The following STK32C variants were observed in gnomAD, a reference collection of about 807,000 sequenced individuals.
STK32C encodes the protein serine/threonine kinase 32C.
A neutral mutation model predicts 56.5 loss-of-function variants in STK32C; 31 were observed. The ratio of observed to expected loss-of-function variants is 0.55; its 90% CI spans 0.41 to 0.74. The LOEUF is 0.74. Among genes scored for constraint, STK32C ranks in the 30% least tolerant of loss-of-function variants. The probability of loss-of-function intolerance (pLI) is 0.00; values close to 1 mark genes in which losing one functional copy is unlikely to be tolerated. For synonymous variants in STK32C, 309 were observed against 289.4 expected, an observed-to-expected ratio of 1.07 and a Z score of -0.69; for missense variants, 544 against 676.9, an observed-to-expected ratio of 0.80 and a Z score of 2.18.
chr10:132,235,144 G>A (rs2063233151), intron 2 of STK32C, among the ~76,000 whole-genome samples: 1 of 152,190 alleles, frequency 6.6e-6, no homozygotes, highest in East Asian at 1.9e-4. Context: ...GGTGTGAGTG[G>A]TGTGAGCTGT....
intron 10 of STK32C, among the ~76,000 whole-genome samples, chr10:132,219,530 G>A (rs140901215): frequency 6.2e-4 from 95 of 152,254 alleles, no homozygotes; most frequent in African/African-American, 2.2e-3. Context: ...CTCTGGACAT[G>A]CTCTGGTAGG....
At chr10:132,209,358 G>C (rs374608735) in intron 10 of STK32C, 37 of 698,842 alleles carry the variant, frequency 5.3e-5, no homozygotes, top group East Asian at 2.4e-4. Flanking sequence ...GACTTGCTCC[G>C]TGGGGCCTGC....
At chr10:132,308,010 C>G, upstream of STK32C, 3 of 200,868 alleles carry the variant, frequency 1.5e-5, no homozygotes, top group Non-Finnish European at 2.0e-5. Context: ...GGCGGGGCTT[C>G]TGGAAGGGGC....
At chr10:132,282,107 G>A (rs529204858) in intron 1 of STK32C, among the ~76,000 whole-genome samples, 5 of 152,238 alleles carry the variant, frequency 3.3e-5, no homozygotes, top group Non-Finnish European at 7.3e-5. Context: ...GGTGCTGGGC[G>A]GGGAGGCGCT....
Position 132,307,497 on chromosome 10 carries a change from G to T in STK32C, c.262+75C>A. On this transcript the variant is annotated intron_variant, in intron 1 of 11. Transcript: ENST00000298630. This position sits in a 1 kb window ranked among gnomAD's most constrained non-coding sequence, Gnocchi z 4.4. ...TCCCGGACACCGGGGGAACCCCTGC[G>T]GGAAAAAGCCGCCCAGCCGCGCCCG... The T allele has an allele frequency of 6.9e-7, 1 of 1,451,622 alleles. No individual in the cohort carries two copies. Among genetic ancestry groups the T allele is most frequent in the Non-Finnish European group, 9.1e-7 (1 of 1,096,054 alleles). The allele number at this position is 1,451,622 out of a possible 1,614,324, so 89.9% of individuals were successfully genotyped here. A position where few individuals can be genotyped will look rare whatever the true frequency, so the allele number is the denominator to read the frequency against.
chr10:132,327,283 A>G (rs1399512121), intron 1 of STK32C, among the ~76,000 whole-genome samples: 1 of 152,092 alleles, frequency 6.6e-6, no homozygotes, highest in Non-Finnish European at 1.5e-5. Flanking sequence ...TCCACGTAAG[A>G]TGTGACTTGC....
intron 1 of STK32C, among the ~76,000 whole-genome samples, chr10:132,285,450 T>C (rs1419563844): frequency 6.6e-6 from 1 of 152,244 alleles, no homozygotes; most frequent in Non-Finnish European, 1.5e-5. Flanking sequence ...GACACCACTA[T>C]ATATTTGTAA....
intron 1 of STK32C, among the ~76,000 whole-genome samples, chr10:132,282,515 ACCTGTGC>A (rs2065247279): frequency 7.0e-6 from 1 of 143,860 alleles, no homozygotes; most frequent in African/African-American, 2.6e-5. Context: ...GCCTGCGCCC[ACCTGTGC>A]CTGTGCCCAC....
chr10:132,231,321 G>T (rs571915479), intron 2 of STK32C, among the ~76,000 whole-genome samples: 1 of 152,348 alleles, frequency 6.6e-6, no homozygotes, highest in South Asian at 2.1e-4. Flanking sequence ...ATCAGCCACA[G>T]TCCAAGCCCC....
chr10:132,212,131 G>A (rs1321154629), intron 10 of STK32C, among the ~76,000 whole-genome samples: 1 of 152,088 alleles, frequency 6.6e-6, no homozygotes, highest in Non-Finnish European at 1.5e-5. Flanking sequence ...AAATGCCAGG[G>A]ACCCAGAACA....
At chr10:132,281,062 T>G (rs754810965) in intron 1 of STK32C, among the ~76,000 whole-genome samples, 6 of 151,696 alleles carry the variant, frequency 4.0e-5, no homozygotes, top group Non-Finnish European at 2.9e-5. Flanking sequence ...CTGCACTCTG[T>G]GATCATGCAA....
intron 1 of STK32C, among the ~76,000 whole-genome samples, chr10:132,250,785 G>A (rs562345950): frequency 1.9e-4 from 29 of 152,352 alleles, no homozygotes; most frequent in Admixed American, 1.7e-3. Flanking sequence ...CACGGAAGTC[G>A]GAGACCGTTC....
chr10:132,249,824 T>A (rs1450709433), intron 1 of STK32C, among the ~76,000 whole-genome samples: 1 of 152,182 alleles, frequency 6.6e-6, no homozygotes, highest in Non-Finnish European at 1.5e-5. Flanking sequence ...CATGAGGGTC[T>A]CCGCACTGCC....
At chr10:132,308,965 G>A (rs150783776), upstream of STK32C, among the ~76,000 whole-genome samples, 4 of 152,298 alleles carry the variant, frequency 2.6e-5, no homozygotes, top group East Asian at 7.7e-4. Context: ...TTTGACTTTA[G>A]GAAGCCTTTA....
intron 2 of STK32C, 61 bp downstream of exon 2, chr10:132,245,839 C>T (rs2063668118): frequency 2.0e-6 from 3 of 1,534,922 alleles, no homozygotes; most frequent in Non-Finnish European, 2.7e-6. Context: ...GACAGCATGT[C>T]CGACTCCACG....
upstream of STK32C, among the ~76,000 whole-genome samples, chr10:132,311,805 T>C (rs2066227673): frequency 6.6e-6 from 1 of 152,190 alleles, no homozygotes; most frequent in African/African-American, 2.4e-5. This position sits in a 1 kb window ranked among gnomAD's most constrained non-coding sequence, Gnocchi z 4.4. Flanking sequence ...CAGGATGATA[T>C]CATCTTGAGA....
intron 1 of STK32C, among the ~76,000 whole-genome samples, chr10:132,285,601 A>G (rs2065375928): frequency 2.0e-5 from 3 of 152,248 alleles, no homozygotes; most frequent in African/African-American, 7.2e-5. Context: ...TGTGCAGAGG[A>G]ACATTTCCTA....
At chr10:132,253,347 G>A (rs1039729871) in intron 1 of STK32C, among the ~76,000 whole-genome samples, 1 of 151,900 alleles carries the variant, frequency 6.6e-6, no homozygotes, top group African/African-American at 2.4e-5. Flanking sequence ...GGAGGGAGCC[G>A]AGGGAGCTGG....
In STK32C at chr10:132,268,436, GCT is replaced by G. The variant is rs2064675574; in HGVS notation, c.263-22483_263-22482del. ...GTGCATGCATGTGTATGCAGGTGCA[GCT>G]CTATGCCTGTGTGCATGCATGTCCC... On this transcript the variant is annotated intron_variant, in intron 1 of 11. Transcript: ENST00000298630. Among the ~76,000 whole-genome samples, 3 of 135,758 alleles carry G rather than the reference GCT, an allele frequency of 2.2e-5. No individual in the cohort carries two copies. In the South Asian group the frequency reaches 8.0e-4, roughly 36 times the overall value. 89.1% of individuals were successfully genotyped at this position (135,758 alleles called of 152,430 possible).
Sources: gnomAD v4.1 joint callset for allele counts (sites outside exome capture counted in the v4.1 genomes callset) on GRCh38, gnomAD v4.1.1 for gene constraint, Gnocchi (gnomAD v3.1) non-coding constraint, MANE v1.5 for transcripts, NCBI Gene and HGNC (gene_info 2026-07-23, HGNC 2026-07-21) for gene names.